The following WWC1 variants were observed in gnomAD, a reference collection of about 807,000 sequenced individuals.
WWC1 encodes the protein protein KIBRA.
WWC1 carries 55 observed loss-of-function variants against 138.4 expected under a neutral mutation model. That is an observed-to-expected ratio of 0.40 (90% CI 0.32 to 0.50). WWC1 has a LOEUF of 0.50. WWC1 is among the 20% of genes least tolerant of loss of function. The pLI, the probability that WWC1 is intolerant of heterozygous loss-of-function variation, is 0.72. For synonymous variants in WWC1, 524 were observed against 564.9 expected, an observed-to-expected ratio of 0.93 and a Z score of 1.03; for missense variants, 1,226 against 1,420.4, an observed-to-expected ratio of 0.86 and a Z score of 2.20.
At chr5:168,293,030 G>T (rs1043784746) in intron 1 of WWC1, among the ~76,000 whole-genome samples, 5 of 152,272 alleles carry the variant, frequency 3.3e-5, no homozygotes, top group African/African-American at 1.2e-4. Flanking sequence ...TCGGGGAAGG[G>T]GGCGGCGAGG....
In WWC1 at chr5:168,468,100, G is replaced by A. The variant is rs10037118; in HGVS notation, c.3275+136G>A. On this transcript the variant is annotated intron_variant, in intron 22 of 22. Coordinates refer to ENST00000265293, the MANE Select transcript of WWC1 (RefSeq NM_015238.3). ...TCCCTGTAACAGATGTTCATCCTCC[G>A]CCAAGCCATCCCTGGCGATCCATGA... 3.7e-3 allele frequency: 5,235 copies of A among 1,419,960 alleles called. 171 individuals carry two copies. The African/African-American group carries it at 0.065, about 18-fold the overall frequency. The allele number at this position is 1,419,960 out of a possible 1,614,324, so 88.0% of individuals were successfully genotyped here.
chr5:168,459,232 C>T (rs946828063), intron 19 of WWC1, among the ~76,000 whole-genome samples: 1 of 125,256 alleles, frequency 8.0e-6, no homozygotes, highest in South Asian at 2.5e-4. Context: ...CCAGCCTGGG[C>T]GAAAGGAGTG....
chr5:168,302,313 G>A (rs1770160734), intron 1 of WWC1, among the ~76,000 whole-genome samples: 3 of 152,306 alleles, frequency 2.0e-5, no homozygotes, highest in African/African-American at 7.2e-5. Context: ...AGGTATTTAT[G>A]GAGTGCCTAC....
intron 1 of WWC1, among the ~76,000 whole-genome samples, chr5:168,357,019 G>T (rs910181866): frequency 2.6e-5 from 4 of 152,100 alleles, no homozygotes; most frequent in Non-Finnish European, 1.5e-5. Context: ...TGTTGTGACG[G>T]TTATTTGAGT....
At chr5:168,460,019 G>T (rs2878915) in intron 19 of WWC1, among the ~76,000 whole-genome samples, 1 of 152,076 alleles carries the variant, frequency 6.6e-6, no homozygotes, top group African/African-American at 2.4e-5. Flanking sequence ...TAGCCCTCTG[G>T]GGGGAGTATA....
At chr5:168,436,996 GCC>G (rs1782401857) in intron 15 of WWC1, among the ~76,000 whole-genome samples, 1 of 151,960 alleles carries the variant, frequency 6.6e-6, no homozygotes. Context: ...GGCCTCCAAG[GCC>G]CCTTGGGATT....
intron 3 of WWC1, among the ~76,000 whole-genome samples, chr5:168,390,945 A>G (rs1050719571): frequency 6.6e-6 from 1 of 152,244 alleles, no homozygotes; most frequent in Non-Finnish European, 1.5e-5. Context: ...TTCCCATTCT[A>G]CAGACAAGGG....
Position 168,387,259 on chromosome 5 carries a change from G to T in WWC1, c.433+1845G>T, listed in dbSNP as rs375587901. 3.3e-5 allele frequency among the ~76,000 whole-genome samples: 5 copies of T among 152,264 alleles called. No homozygotes were observed. In the East Asian group the frequency reaches 5.8e-4, roughly 18 times the overall value. On this transcript the variant is annotated intron_variant, in intron 3 of 22. Transcript: ENST00000265293. ...ATGGTGTCAGGGTGGCCATGGCTGG[G>T]TTGGGCCATTGAACTCTCCCCTAGT...
chr5:168,411,463 C>T (rs562141676), intron 8 of WWC1, among the ~76,000 whole-genome samples: 238 of 152,144 alleles, frequency 1.6e-3, no homozygotes, highest in Non-Finnish European at 2.5e-3. Flanking sequence ...TAATAGAAAC[C>T]AGAGAAAGCA....
intron 1 of WWC1, among the ~76,000 whole-genome samples, chr5:168,332,107 C>T (rs1362368784): frequency 6.6e-6 from 1 of 151,056 alleles, no homozygotes; most frequent in African/African-American, 2.4e-5. Context: ...GATCATGCCA[C>T]TGTACTCCAG....
At chr5:168,358,668 T>G (rs1775639576) in intron 1 of WWC1, among the ~76,000 whole-genome samples, 1 of 152,182 alleles carries the variant, frequency 6.6e-6, no homozygotes, top group South Asian at 2.1e-4. Flanking sequence ...TTGTTTTAAA[T>G]AAGCTAATAT....
At position 168,397,817 on chromosome 5, in the gene WWC1, T is replaced by A. The variant is rs371669510; in HGVS notation, c.510+17T>A. The A allele has an allele frequency of 1.7e-5, 28 of 1,613,838 alleles. No homozygotes were observed. In the African/African-American group the frequency reaches 3.2e-4, roughly 18 times the overall value. The stretch of plus-strand genomic sequence containing the variant: ...AAATCCCGGGTAGGACCTCTTCACC[T>A]ATGCTATGTGCTAGTGATTGGGGCC... On this transcript the variant is annotated intron_variant, in intron 4 of 22. Coordinates refer to ENST00000265293, the MANE Select transcript of WWC1 (RefSeq NM_015238.3).
intron 1 of WWC1, among the ~76,000 whole-genome samples, chr5:168,358,621 C>T (rs1294403401): frequency 1.3e-5 from 2 of 152,170 alleles, no homozygotes; most frequent in Non-Finnish European, 2.9e-5. Flanking sequence ...TCAGTTTCTA[C>T]ATCTATAAAA....
chr5:168,406,327 G>A lies in WWC1; in HGVS notation c.720G>A (p.Lys240=). The A allele has an allele frequency of 6.2e-7, 1 of 1,613,598 alleles. No homozygotes were observed. The highest frequency in any genetic ancestry group is 1.1e-5 in the South Asian group (1 of 91,034). Residue 240 remains lysine, a splice_region_variant and synonymous_variant, in exon 6 of 23, where the codon AAG becomes AAA. Transcript: ENST00000265293. Reference sequence around the variant, plus strand: ...AAAAGGAAAAGCAAGATCTCATTAAGGTATGCAAGTTCCTGTTGATGTGGG... The same window carrying A: ...AAAAGGAAAAGCAAGATCTCATTAAAGTATGCAAGTTCCTGTTGATGTGGG... ...CGEKEKQDLI[K]SLAMLKDGFR... is the part of the protein sequence containing the mutation.
chr5:168,367,952 A>AACAC (rs5873108), intron 1 of WWC1, among the ~76,000 whole-genome samples: 47,807 of 151,148 alleles, frequency 0.32, 7,581 homozygotes, highest in Admixed American at 0.39. Flanking sequence ...TTTCTTTACT[A>AACAC]ACACACACAC....
chr5:168,328,709 G>C (rs1581932301), intron 1 of WWC1, among the ~76,000 whole-genome samples: 1 of 152,198 alleles, frequency 6.6e-6, no homozygotes, highest in African/African-American at 2.4e-5. Flanking sequence ...GCTAATTTTT[G>C]TATTTTTAGT....
chr5:168,338,655 C>T (rs1773718234), intron 1 of WWC1, among the ~76,000 whole-genome samples: 1 of 152,084 alleles, frequency 6.6e-6, no homozygotes, highest in African/African-American at 2.4e-5. Flanking sequence ...TCAGGTGTTC[C>T]ACCTTAGCCC....
chr5:168,431,106 A>G (rs1487248603), intron 14 of WWC1, 146 bp from the exon 15 acceptor site: 4 of 700,610 alleles, frequency 5.7e-6, no homozygotes, highest in African/African-American at 1.8e-5. Context: ...CTTCCAGTGT[A>G]TAGGGGCCTG....
chr5:168,381,470 C>G (rs539068819), intron 2 of WWC1, among the ~76,000 whole-genome samples: 1 of 152,314 alleles, frequency 6.6e-6, no homozygotes, highest in East Asian at 1.9e-4. Context: ...TGTTTGTCAT[C>G]TCTTAAACAC....
Sources: allele counts gnomAD v4.1 joint callset (sites outside exome capture counted in the v4.1 genomes callset), GRCh38; gene constraint gnomAD v4.1.1; transcripts MANE v1.5; gene names NCBI Gene and HGNC (gene_info 2026-07-23, HGNC 2026-07-21).